ST8SIA1: variants seen among roughly 807,000 people sequenced by gnomAD.
ST8SIA1 encodes ST8 alpha-N-acetyl-neuraminide alpha-2,8-sialyltransferase 1.
In ST8SIA1, 16 loss-of-function variants were observed where a neutral mutation model predicts 35.9. The ratio of observed to expected loss-of-function variants is 0.45; its 90% CI spans 0.30 to 0.68. The LOEUF is 0.68. Ranked by LOEUF, ST8SIA1 falls within the 30% of genes least tolerant of loss-of-function variation. The pLI is 0.09. For missense variants in ST8SIA1, 383 were observed against 453.6 expected (o/e 0.84, Z 1.41); for synonymous variants, 170 against 169.6 (o/e 1.00, Z -0.02).
At chr12:22,317,111 TA>T (rs1427714872) in intron 1 of ST8SIA1, among the ~76,000 whole-genome samples, 11 of 152,014 alleles carry the variant, frequency 7.2e-5, no homozygotes, top group African/African-American at 2.7e-4. Flanking sequence ...GCATTTTTTT[TA>T]TTTAAAAAAA....
At chr12:22,299,096 T>A (rs1866284570) in intron 1 of ST8SIA1, among the ~76,000 whole-genome samples, 1 of 152,138 alleles carries the variant, frequency 6.6e-6, no homozygotes, top group Non-Finnish European at 1.5e-5. Context: ...TGTAATGGGA[T>A]AAATACTTGT....
intron 1 of ST8SIA1, among the ~76,000 whole-genome samples, chr12:22,293,558 T>C (rs956849897): frequency 4.6e-5 from 7 of 152,240 alleles, no homozygotes; most frequent in African/African-American, 1.7e-4. Flanking sequence ...TGGGTTAATG[T>C]CACAGAGCCT....
chr12:22,219,454 C>A (rs1164607429), intron 4 of ST8SIA1, among the ~76,000 whole-genome samples: 2 of 152,074 alleles, frequency 1.3e-5, no homozygotes, highest in Non-Finnish European at 2.9e-5. Flanking sequence ...CACTTCAGAG[C>A]CAGGATAGGG....
intron 1 of ST8SIA1, among the ~76,000 whole-genome samples, chr12:22,323,566 T>C (rs1468967098): frequency 6.6e-6 from 1 of 152,242 alleles, no homozygotes; most frequent in Non-Finnish European, 1.5e-5. Flanking sequence ...ATATGTTCAC[T>C]GCAGCACTAT....
At chr12:22,333,782 G>A in intron 1 of ST8SIA1, 1 of 755,774 alleles carries the variant, frequency 1.3e-6, no homozygotes, top group South Asian at 1.4e-5. Context: ...GCGCAAAGCA[G>A]GTGTCTGCAC....
chr12:22,209,255 A>G lies in ST8SIA1; in HGVS notation c.585-7217T>C, dbSNP rs148475061. 2.4e-3 allele frequency among the ~76,000 whole-genome samples: 366 copies of G among 152,304 alleles called. 3 individuals carry two copies. Among genetic ancestry groups the G allele is most frequent in the African/African-American group, 8.4e-3 (350 of 41,566 alleles). On this transcript the variant is annotated intron_variant, in intron 4 of 4. Transcript: ENST00000396037. Reference sequence around the variant, plus strand: ...AATAACAAATACAGCAAATAGCACAACATAACAAAACAGTAGTATCCAGAA... The same window carrying G: ...AATAACAAATACAGCAAATAGCACAGCATAACAAAACAGTAGTATCCAGAA...
At chr12:22,237,497 A>C (rs1252018677) in intron 4 of ST8SIA1, among the ~76,000 whole-genome samples, 20 of 151,530 alleles carry the variant, frequency 1.3e-4, no homozygotes, top group Admixed American at 1.3e-3. Flanking sequence ...TTCTCTGAAC[A>C]TAACTATATA....
chr12:22,222,134 C>G (rs771688718), intron 4 of ST8SIA1, among the ~76,000 whole-genome samples: 1 of 151,908 alleles, frequency 6.6e-6, no homozygotes, highest in Non-Finnish European at 1.5e-5. Context: ...CTTAAGTAAA[C>G]AAACTTAACT....
At chr12:22,202,423 A>T (rs986764145) in intron 4 of ST8SIA1, among the ~76,000 whole-genome samples, 5 of 152,222 alleles carry the variant, frequency 3.3e-5, no homozygotes, top group African/African-American at 1.2e-4. Flanking sequence ...TAACCACAAG[A>T]CTGGTTTCTT....
intron 1 of ST8SIA1, among the ~76,000 whole-genome samples, chr12:22,299,913 G>A (rs1197356297): frequency 6.6e-6 from 1 of 152,086 alleles, no homozygotes; most frequent in Non-Finnish European, 1.5e-5. Flanking sequence ...TTAAAGGTCT[G>A]AAGGAAATGA....
chr12:22,323,763 C>A (rs1380833622), intron 1 of ST8SIA1, among the ~76,000 whole-genome samples: 2 of 152,124 alleles, frequency 1.3e-5, no homozygotes, highest in Non-Finnish European at 2.9e-5. Context: ...GAACAGAAAA[C>A]CAAACACTGT....
chr12:22,224,892 A>G (rs994154987), intron 4 of ST8SIA1, among the ~76,000 whole-genome samples: 11 of 152,232 alleles, frequency 7.2e-5, no homozygotes, highest in African/African-American at 2.2e-4. Context: ...CTTTGTAGAT[A>G]TAATAGTTAA....
intron 2 of ST8SIA1, among the ~76,000 whole-genome samples, chr12:22,273,451 G>A (rs1865934924): frequency 6.6e-6 from 1 of 152,146 alleles, no homozygotes; most frequent in Non-Finnish European, 1.5e-5. Context: ...CCTTTGGGTA[G>A]GGGGACCACC....
chr12:22,280,423 C>T (rs1866019158), intron 2 of ST8SIA1, among the ~76,000 whole-genome samples: 1 of 152,160 alleles, frequency 6.6e-6, no homozygotes, highest in Non-Finnish European at 1.5e-5. Context: ...CTATCACTCC[C>T]GTCAGGCCTA....
chr12:22,260,965 C>A (rs559636790), intron 2 of ST8SIA1, among the ~76,000 whole-genome samples: 3 of 150,478 alleles, frequency 2.0e-5, no homozygotes, highest in Admixed American at 1.3e-4. Flanking sequence ...CAGCTTCAAC[C>A]TCCTGGGCTC....
intron 4 of ST8SIA1, among the ~76,000 whole-genome samples, chr12:22,237,106 CT>C (rs944595314): frequency 9.6e-4 from 131 of 136,524 alleles, no homozygotes; most frequent in Non-Finnish European, 1.6e-3. Flanking sequence ...ATAACAAGGC[CT>C]TTTTTTAAAG....
At chr12:22,288,486 A>C (rs1267081711) in intron 1 of ST8SIA1, among the ~76,000 whole-genome samples, 1 of 152,236 alleles carries the variant, frequency 6.6e-6, no homozygotes, top group Non-Finnish European at 1.5e-5. Context: ...ACACCGTCCC[A>C]GCCTCATTGT....
intron 1 of ST8SIA1, among the ~76,000 whole-genome samples, chr12:22,310,729 C>A (rs1866438886): frequency 6.6e-6 from 1 of 152,146 alleles, no homozygotes; most frequent in Non-Finnish European, 1.5e-5. Flanking sequence ...TGACTTTTCT[C>A]TACACTCACT....
chr12:22,295,270 A>G (rs1224258549), intron 1 of ST8SIA1, among the ~76,000 whole-genome samples: 1 of 152,190 alleles, frequency 6.6e-6, no homozygotes, highest in East Asian at 1.9e-4. Flanking sequence ...CTGAAAGAAG[A>G]GTATAGTGGA....
Sources: allele counts gnomAD v4.1 joint callset (sites outside exome capture counted in the v4.1 genomes callset), GRCh38; gene constraint gnomAD v4.1.1; transcripts MANE v1.5; gene names NCBI Gene and HGNC (gene_info 2026-07-23, HGNC 2026-07-21).